Variants in SMIM14 observed in about 807,000 individuals in gnomAD.
SMIM14 encodes the protein small integral membrane protein 14, also known as chromosome 4 open reading frame 34.
Under a neutral mutation model 12.6 loss-of-function variants are expected in SMIM14, and 5 were observed. The ratio of observed to expected loss-of-function variants is 0.40; its 90% CI spans 0.21 to 0.83. The LOEUF is 0.83. Ranked by LOEUF, SMIM14 falls within the 40% of genes least tolerant of loss-of-function variation. The pLI, the probability that SMIM14 is intolerant of heterozygous loss-of-function variation, is 0.37. For synonymous variants in SMIM14, 30 were observed against 40.1 expected (o/e 0.75, Z 0.95); for missense variants, 86 against 119.1 (o/e 0.72, Z 1.29).
At chr4:39,585,809 G>A (rs1169075860) in intron 2 of SMIM14, among the ~76,000 whole-genome samples, 1 of 151,988 alleles carries the variant, frequency 6.6e-6, no homozygotes, top group Admixed American at 6.6e-5. Context: ...GAGGCCAACC[G>A]GTGTGCTGAT....
intron 1 of SMIM14, among the ~76,000 whole-genome samples, chr4:39,631,467 G>T (rs1313769417): frequency 6.6e-6 from 1 of 151,266 alleles, no homozygotes; most frequent in Non-Finnish European, 1.5e-5. Context: ...GACCATCCTG[G>T]CTAACATGGT....
At chr4:39,600,800 G>A (rs1284539141) in intron 2 of SMIM14, among the ~76,000 whole-genome samples, 1 of 152,170 alleles carries the variant, frequency 6.6e-6, no homozygotes, top group African/African-American at 2.4e-5. Context: ...GAACCCGGGA[G>A]GCGGACGTTG....
chr4:39,638,507 C>T (rs1001570647), intron 1 of SMIM14: 1 of 985,478 alleles, frequency 1.0e-6, no homozygotes, highest in African/African-American at 1.7e-5. Context: ...ACTCTGACAT[C>T]CTGCAGAGAA....
intron 2 of SMIM14, among the ~76,000 whole-genome samples, chr4:39,590,584 C>G (rs1011886887): frequency 2.0e-5 from 3 of 151,628 alleles, no homozygotes; most frequent in Non-Finnish European, 4.4e-5. Context: ...GGCGGATCAC[C>G]TAAGGTCAGG....
rs192823397 is a variant in SMIM14, at chr4:39,567,652, G to T, written c.124+4763C>A. 1.7e-3 allele frequency among the ~76,000 whole-genome samples: 253 copies of T among 152,084 alleles called. 2 individuals are homozygous for T. In the East Asian group the frequency reaches 0.017, roughly 10 times the overall value. ...CTCAGGAGGCTGAGGCAGGAGAATC[G>T]CTTGAACCTGGGAGGTGGAGGTTGC... On this transcript the variant is annotated intron_variant, in intron 3 of 4. Transcript: ENST00000295958.
chr4:39,585,685 G>A (rs1343180897), intron 2 of SMIM14, among the ~76,000 whole-genome samples: 1 of 151,934 alleles, frequency 6.6e-6, no homozygotes, highest in African/African-American at 2.4e-5. Context: ...AATATCAAAA[G>A]ATTAAAGTGA....
intron 1 of SMIM14, among the ~76,000 whole-genome samples, chr4:39,618,071 T>C (rs1578361036): frequency 6.6e-6 from 1 of 152,068 alleles, no homozygotes; most frequent in African/African-American, 2.4e-5. Context: ...AGAATATTAC[T>C]CCTGCCAAAG....
At chr4:39,566,308 C>G (rs1378630967) in intron 3 of SMIM14, among the ~76,000 whole-genome samples, 3 of 151,922 alleles carry the variant, frequency 2.0e-5, no homozygotes, top group Non-Finnish European at 4.4e-5. Flanking sequence ...TCAAGAGAAG[C>G]AGAAATTCTG....
At chr4:39,621,151 G>A (rs1351464487) in intron 1 of SMIM14, 1 of 151,952 alleles carries the variant, frequency 6.6e-6, no homozygotes, top group Non-Finnish European at 1.5e-5. Flanking sequence ...GATAAGTAAG[G>A]TTAACATTTA....
At chr4:39,588,090 C>T (rs1484314611) in intron 2 of SMIM14, 5 of 152,244 alleles carry the variant, frequency 3.3e-5, no homozygotes, top group African/African-American at 1.2e-4. Flanking sequence ...ATACTTCCTG[C>T]CCTCAGCTTC....
At chr4:39,596,097 TTTTC>T (rs1358165987) in intron 2 of SMIM14, among the ~76,000 whole-genome samples, 2 of 152,060 alleles carry the variant, frequency 1.3e-5, no homozygotes, top group African/African-American at 4.8e-5. Context: ...TAGTGCCTTT[TTTTC>T]TTTCTTTCTT....
chr4:39,618,925 T>G (rs1715327155), intron 1 of SMIM14, among the ~76,000 whole-genome samples: 1 of 151,902 alleles, frequency 6.6e-6, no homozygotes, highest in African/African-American at 2.4e-5. Context: ...GAGTAGAGAT[T>G]TGGGCATAAA....
At chr4:39,592,413 C>A (rs555728339) in intron 2 of SMIM14, among the ~76,000 whole-genome samples, 20 of 151,826 alleles carry the variant, frequency 1.3e-4, no homozygotes, top group Admixed American at 1.2e-3. Context: ...AGTCTTTGTA[C>A]TAAAACTTAT....
chr4:39,623,203 G>C (rs779029425), intron 1 of SMIM14, among the ~76,000 whole-genome samples: 4 of 152,178 alleles, frequency 2.6e-5, no homozygotes, highest in Admixed American at 1.3e-4. Flanking sequence ...ACCTGCCAAG[G>C]GGGGAGAGGT....
intron 3 of SMIM14, 131 bp from the exon 4 acceptor site, chr4:39,556,701 T>C: frequency 1.2e-6 from 1 of 843,380 alleles, no homozygotes; most frequent in Non-Finnish European, 1.7e-6. Context: ...AAAGTACATA[T>C]TATATCTTCA....
intron 1 of SMIM14, among the ~76,000 whole-genome samples, chr4:39,633,613 A>G (rs1236022207): frequency 6.6e-6 from 1 of 152,060 alleles, no homozygotes; most frequent in African/African-American, 2.4e-5. Flanking sequence ...ACAAAAAAAA[A>G]TTAGTGTGGT....
At chr4:39,609,924 C>A (rs1212546008) in intron 1 of SMIM14, among the ~76,000 whole-genome samples, 4 of 152,200 alleles carry the variant, frequency 2.6e-5, no homozygotes, top group Non-Finnish European at 4.4e-5. Flanking sequence ...CAAATTATTT[C>A]ATAAATGGTG....
At chr4:39,581,696 C>T (rs1411519075) in intron 2 of SMIM14, among the ~76,000 whole-genome samples, 24 of 149,828 alleles carry the variant, frequency 1.6e-4, no homozygotes, top group Non-Finnish European at 3.1e-4. Flanking sequence ...AGGAGTAGCT[C>T]GAACCTCAGG....
chr4:39,604,649 C>T (rs951039019), intron 2 of SMIM14, among the ~76,000 whole-genome samples: 3 of 151,076 alleles, frequency 2.0e-5, no homozygotes, highest in Non-Finnish European at 4.4e-5. Flanking sequence ...CTTGTTCTGT[C>T]GCCCAGGCTA....
Sources: allele counts gnomAD v4.1 joint callset (sites outside exome capture counted in the v4.1 genomes callset), GRCh38; gene constraint gnomAD v4.1.1; transcripts MANE v1.5; gene names NCBI Gene and HGNC (gene_info 2026-07-23, HGNC 2026-07-21).